The following PHLDB2 variants were observed in gnomAD, a reference collection of about 807,000 sequenced individuals.
PHLDB2 encodes pleckstrin homology like domain family B member 2.
A neutral mutation model predicts 123.6 loss-of-function variants in PHLDB2; 71 were observed. The observed-to-expected ratio is 0.57, with a 90% CI of 0.47 to 0.70. The LOEUF is 0.70. Ranked by LOEUF, PHLDB2 falls within the 30% of genes least tolerant of loss-of-function variation. The pLI is 0.00. For synonymous variants in PHLDB2, 547 were observed against 541.6 expected (o/e 1.01, Z -0.14); for missense variants, 1,446 against 1,519.5 (o/e 0.95, Z 0.80).
At chr3:111,762,129 A>G (rs1296380531) in intron 1 of PHLDB2, among the ~76,000 whole-genome samples, 1 of 152,196 alleles carries the variant, frequency 6.6e-6, no homozygotes, top group Non-Finnish European at 1.5e-5. Context: ...TTGGTGCCAG[A>G]CTAGACTTAG....
chr3:111,895,998 TTTA>T (rs1393428727), intron 2 of PHLDB2, among the ~76,000 whole-genome samples: 3 of 152,186 alleles, frequency 2.0e-5, no homozygotes, highest in Admixed American at 6.5e-5. Flanking sequence ...TCTATATTTA[TTTA>T]TTATTCTTTT....
intron 6 of PHLDB2, among the ~76,000 whole-genome samples, chr3:111,932,648 G>C (rs1437957966): frequency 6.7e-6 from 1 of 150,184 alleles, no homozygotes; most frequent in Admixed American, 6.6e-5. Context: ...ATTTTTTTTT[G>C]TGACAAAAGA....
intron 2 of PHLDB2, among the ~76,000 whole-genome samples, chr3:111,901,788 G>A (rs1366832487): frequency 6.6e-6 from 1 of 152,164 alleles, no homozygotes; most frequent in Non-Finnish European, 1.5e-5. Flanking sequence ...AATGGGCTCA[G>A]GCACTGTGCA....
chr3:111,885,614 C>T (rs1027737017), intron 2 of PHLDB2: 2 of 747,202 alleles, frequency 2.7e-6, no homozygotes, highest in African/African-American at 1.7e-5. Context: ...TCTTGAAGGC[C>T]TCCAGGAATT....
chr3:111,884,206 C>G lies in PHLDB2; in HGVS notation c.129C>G (p.Tyr43Ter). 6.2e-7 allele frequency: 1 copy of G among 1,614,198 alleles called. No individual in the cohort carries two copies. Among genetic ancestry groups the G allele is most frequent in the Non-Finnish European group, 8.5e-7 (1 of 1,180,022 alleles). The change falls in exon 2 of 18, where the codon TAC (tyrosine) becomes TAG (stop). Residue 43 changes from tyrosine (Y) to a stop codon, truncating the protein, a stop_gained. Coordinates refer to ENST00000431670, the MANE Select transcript of PHLDB2 (RefSeq NM_001134438.2). LOFTEE classifies it high-confidence loss of function. ...NMMESLSPKK[Y>*]SSSLRFKANG... ...TGGAGAGCCTCAGCCCAAAGAAATA[C>G]TCTTCCAGTCTGAGATTTAAAGCCA...
chr3:111,871,970 A>T (rs2065361540), intron 1 of PHLDB2, among the ~76,000 whole-genome samples: 1 of 152,214 alleles, frequency 6.6e-6, no homozygotes, highest in South Asian at 2.1e-4. Context: ...TCTTCCAGCG[A>T]TCTCATCATG....
chr3:111,748,755 C>A (rs1379450323), intron 1 of PHLDB2, among the ~76,000 whole-genome samples: 1 of 152,100 alleles, frequency 6.6e-6, no homozygotes, highest in Non-Finnish European at 1.5e-5. Context: ...CTCCTGACCT[C>A]AGGTGATCCA....
At chr3:111,920,185 T>C (rs2068418115) in intron 4 of PHLDB2, 97 bp from the exon 5 acceptor site, 1 of 1,403,434 alleles carries the variant, frequency 7.1e-7, no homozygotes, top group Non-Finnish European at 9.6e-7. Flanking sequence ...AGTATTACTT[T>C]TGGAAATTTG....
intron 2 of PHLDB2, among the ~76,000 whole-genome samples, chr3:111,888,665 T>C (rs2066312256): frequency 6.6e-6 from 1 of 152,200 alleles, no homozygotes; most frequent in Admixed American, 6.5e-5. Flanking sequence ...GGCTGATTTC[T>C]CCAAGATCAG....
chr3:111,740,724 C>A (rs557742337), intron 1 of PHLDB2, among the ~76,000 whole-genome samples: 1 of 151,976 alleles, frequency 6.6e-6, no homozygotes, highest in Non-Finnish European at 1.5e-5. Context: ...GCTTGCCCCC[C>A]CACCAAATAC....
At chr3:111,793,102 T>C (rs985112569) in intron 1 of PHLDB2, among the ~76,000 whole-genome samples, 1 of 152,168 alleles carries the variant, frequency 6.6e-6, no homozygotes, top group South Asian at 2.1e-4. Flanking sequence ...GCCAGGCTTG[T>C]GGTCTTGCCT....
intron 12 of PHLDB2, 94 bp downstream of exon 12, chr3:111,954,123 G>T: frequency 8.6e-7 from 1 of 1,156,688 alleles, no homozygotes; most frequent in Non-Finnish European, 1.2e-6. Flanking sequence ...GATGATTAGA[G>T]GAGGGATCAA....
At chr3:111,925,431 C>T (rs1243560851) in intron 5 of PHLDB2, among the ~76,000 whole-genome samples, 2 of 152,136 alleles carry the variant, frequency 1.3e-5, no homozygotes, top group Admixed American at 6.6e-5. Flanking sequence ...AGATACATGC[C>T]ACCTGCCGGT....
chr3:111,756,751 C>G (rs528770793), intron 1 of PHLDB2, among the ~76,000 whole-genome samples: 1 of 152,316 alleles, frequency 6.6e-6, no homozygotes, highest in East Asian at 1.9e-4. Context: ...CCTCGATGGT[C>G]TTTACAATTT....
In PHLDB2 at chr3:111,940,660, T is replaced by C. The variant is rs775239700; in HGVS notation, c.2397+15T>C. On this transcript the variant is annotated intron_variant, in intron 8 of 17. Coordinates refer to ENST00000431670, the MANE Select transcript of PHLDB2 (RefSeq NM_001134438.2). ...TGTTGCAAAGAGTAAGTATTTCCTT[T>C]TCAGCACTGGCTACAGTAAAACATA... 3.4e-6 allele frequency: 5 copies of C among 1,468,076 alleles called. No homozygotes were observed. In the Admixed American group the frequency reaches 7.5e-5, roughly 22 times the overall value. 90.9% of individuals were successfully genotyped at this position (1,468,076 alleles called of 1,614,324 possible). A position where few individuals can be genotyped will look rare whatever the true frequency, so the allele number is the denominator to read the frequency against.
At chr3:111,822,317 G>GTGTGTGTA (rs1553734228) in intron 1 of PHLDB2, among the ~76,000 whole-genome samples, 3 of 147,806 alleles carry the variant, frequency 2.0e-5, no homozygotes, top group African/African-American at 7.6e-5. Flanking sequence ...GTGTGTGTGT[G>GTGTGTGTA]TATATATATA....
At chr3:111,817,793 G>C (rs1170092430) in intron 1 of PHLDB2, among the ~76,000 whole-genome samples, 4 of 152,124 alleles carry the variant, frequency 2.6e-5, no homozygotes, top group Non-Finnish European at 4.4e-5. Context: ...CCACAGTTTA[G>C]CTGACTGAGT....
chr3:111,852,379 AAATT>A (rs1318863814), intron 2 of PHLDB2, among the ~76,000 whole-genome samples: 1 of 148,430 alleles, frequency 6.7e-6, no homozygotes, highest in Non-Finnish European at 1.5e-5. Flanking sequence ...ATATATACAT[AAATT>A]AATATTATAC....
intron 1 of PHLDB2, among the ~76,000 whole-genome samples, chr3:111,834,227 TATTATGTATA>T (rs2063270496): frequency 1.0e-5 from 1 of 97,286 alleles, no homozygotes. Flanking sequence ...ATTATATATA[TATTATGTATA>T]TAATAGAATT....
Sources: gnomAD v4.1 joint callset for allele counts (sites outside exome capture counted in the v4.1 genomes callset) on GRCh38, gnomAD v4.1.1 for gene constraint, MANE v1.5 for transcripts, NCBI Gene and HGNC (gene_info 2026-07-23, HGNC 2026-07-21) for gene names.